Variants in PVT1 observed in about 807,000 individuals in gnomAD.
PVT1 encodes the protein Pvt1 oncogene.
At chr8:127,859,254 A>G (rs1815194337) in intron 2 of PVT1, among the ~76,000 whole-genome samples, 1 of 151,994 alleles carries the variant, frequency 6.6e-6, no homozygotes, top group Non-Finnish European at 1.5e-5. Flanking sequence ...GTGTTGTTGT[A>G]TTCTTAGAAC....
At chr8:127,940,567 T>C (rs1392947163) in intron 3 of PVT1, 1 of 147,616 alleles carries the variant, frequency 6.8e-6, no homozygotes, top group Admixed American at 6.7e-5. Flanking sequence ...TTATATAACA[T>C]AATATATTAA....
At chr8:127,871,181 T>G (rs1342004047) in intron 2 of PVT1, among the ~76,000 whole-genome samples, 1 of 152,128 alleles carries the variant, frequency 6.6e-6, no homozygotes, top group Non-Finnish European at 1.5e-5. Context: ...GCTGTGTGCC[T>G]CTCCAGGGAG....
intron 2 of PVT1, among the ~76,000 whole-genome samples, chr8:127,824,235 A>G (rs1814763236): frequency 6.6e-6 from 1 of 152,236 alleles, no homozygotes; most frequent in African/African-American, 2.4e-5. Context: ...TTAAACTCTC[A>G]GTCAGCTTCT....
intron 2 of PVT1, among the ~76,000 whole-genome samples, chr8:127,828,409 G>A (rs761544434): frequency 6.6e-6 from 1 of 152,094 alleles, no homozygotes; most frequent in African/African-American, 2.4e-5. Context: ...CTAAATCATG[G>A]GGCTTTTATT....
intron 4 of PVT1, among the ~76,000 whole-genome samples, chr8:127,991,257 C>T (rs1032741740): frequency 3.3e-5 from 5 of 151,548 alleles, no homozygotes; most frequent in African/African-American, 9.7e-5. Flanking sequence ...ATTCTCCTGC[C>T]TCAGCCTCTT....
chr8:127,853,738 G>GCTGCT (rs1586407638), intron 2 of PVT1, among the ~76,000 whole-genome samples: 1 of 151,848 alleles, frequency 6.6e-6, no homozygotes, highest in Non-Finnish European at 1.5e-5. Context: ...CCAAGATTGT[G>GCTGCT]CTGCTCTACT....
intron 2 of PVT1, among the ~76,000 whole-genome samples, chr8:127,849,384 A>C (rs1045045026): frequency 6.6e-6 from 1 of 152,170 alleles, no homozygotes; most frequent in African/African-American, 2.4e-5. Flanking sequence ...CTTATTGAGG[A>C]TTAGGCAGAA....
chr8:128,040,595 A>G (rs1428338330), intron 4 of PVT1, among the ~76,000 whole-genome samples: 1 of 151,270 alleles, frequency 6.6e-6, no homozygotes, highest in African/African-American at 2.4e-5. Flanking sequence ...TTTGGGACTT[A>G]AGTTATTTAA....
At chr8:127,947,683 G>C in intron 3 of PVT1, 1 of 456,136 alleles carries the variant, frequency 2.2e-6, no homozygotes, top group Admixed American at 2.3e-5. Flanking sequence ...TCTGGACATG[G>C]CCAGCTGTGT....
intron 2 of PVT1, among the ~76,000 whole-genome samples, chr8:127,871,627 CTT>C (rs148125789): frequency 0.011 from 1,735 of 152,276 alleles, 38 homozygotes; most frequent in African/African-American, 0.039. Context: ...AGATACAGCT[CTT>C]TGGTGGTGTT....
intron 4 of PVT1, among the ~76,000 whole-genome samples, chr8:128,045,081 G>T (rs73357359): frequency 0.016 from 2,421 of 152,298 alleles, 67 homozygotes; most frequent in African/African-American, 0.054. Context: ...TCAGGTTTAG[G>T]ACAACGGTAC....
In PVT1 at chr8:127,870,286, A is replaced by G. The variant is rs563499584; in HGVS notation, n.373-20303A>G. Reference sequence around the variant, plus strand: ...CAGAGATTAGAGTGACACAGCTACAAGCCAAGGAGCTCCAAGGATTGCAGG... The same window carrying G: ...CAGAGATTAGAGTGACACAGCTACAGGCCAAGGAGCTCCAAGGATTGCAGG... On this transcript the variant is annotated intron_variant and non_coding_transcript_variant, in intron 2 of 10. Transcript: ENST00000651587. Among the ~76,000 whole-genome samples the G allele has an allele frequency of 5.9e-5, 9 of 152,296 alleles. No homozygotes were observed. In the East Asian group the frequency reaches 1.7e-3, roughly 29 times the overall value.
intron 4 of PVT1, among the ~76,000 whole-genome samples, chr8:128,044,613 T>A (rs1437603722): frequency 6.6e-6 from 1 of 152,168 alleles, no homozygotes; most frequent in African/African-American, 2.4e-5. Context: ...CAGTAAGGAC[T>A]CAGTAAATGT....
chr8:127,883,189 T>C (rs1586420821), intron 2 of PVT1, among the ~76,000 whole-genome samples: 1 of 151,832 alleles, frequency 6.6e-6, no homozygotes, highest in Non-Finnish European at 1.5e-5. Context: ...CTGCAAACGG[T>C]GCTCCCCTCA....
chr8:127,885,748 G>C (rs957069796), intron 2 of PVT1, among the ~76,000 whole-genome samples: 6 of 152,162 alleles, frequency 3.9e-5, no homozygotes, highest in Non-Finnish European at 4.4e-5. Context: ...ACCATTTTCA[G>C]ATGAGGAAAT....
intron 2 of PVT1, among the ~76,000 whole-genome samples, chr8:127,810,393 G>T (rs540295915): frequency 2.0e-5 from 3 of 152,370 alleles, no homozygotes; most frequent in South Asian, 4.1e-4. Context: ...CCACTTAAAA[G>T]CTTTTAATGG....
intron 5 of PVT1, among the ~76,000 whole-genome samples, chr8:128,076,715 C>T (rs760483235): frequency 2.6e-5 from 4 of 152,170 alleles, no homozygotes; most frequent in African/African-American, 7.2e-5. Context: ...AAACCACACT[C>T]GCTTATGAGT....
intron 2 of PVT1, among the ~76,000 whole-genome samples, chr8:127,821,434 C>T (rs796678677): frequency 6.6e-6 from 1 of 152,058 alleles, no homozygotes; most frequent in Non-Finnish European, 1.5e-5. Context: ...GATAAGATTT[C>T]GATATACTAA....
At chr8:127,978,969 T>C (rs1292606439) in intron 3 of PVT1, among the ~76,000 whole-genome samples, 1 of 152,252 alleles carries the variant, frequency 6.6e-6, no homozygotes, top group Non-Finnish European at 1.5e-5. Flanking sequence ...CTCAAACTCC[T>C]GGCCTCAAGT....
Sources: gnomAD v4.1 joint callset for allele counts (sites outside exome capture counted in the v4.1 genomes callset) on GRCh38, gnomAD v4.1.1 for gene constraint, MANE v1.5 for transcripts, NCBI Gene and HGNC (gene_info 2026-07-23, HGNC 2026-07-21) for gene names.